Variants in SATB1 observed in about 807,000 individuals in gnomAD.
SATB1 encodes DNA-binding protein SATB1.
A neutral mutation model predicts 86.9 loss-of-function variants in SATB1; 11 were observed. The ratio of observed to expected loss-of-function variants is 0.13; its 90% CI spans 0.08 to 0.21. The LOEUF is 0.21. Among genes scored for constraint, SATB1 ranks in the 10% least tolerant of loss-of-function variants. The pLI, the probability that SATB1 is intolerant of heterozygous loss-of-function variation, is 1.00. For synonymous variants in SATB1, 357 were observed against 357.2 expected, an observed-to-expected ratio of 1.00 and a Z score of 0.01; for missense variants, 551 against 937.6, an observed-to-expected ratio of 0.59 and a Z score of 5.39.
intron 2 of SATB1, 64 bp from the exon 3 acceptor site, chr3:18,417,142 T>A: frequency 1.3e-6 from 2 of 1,521,966 alleles, no homozygotes; most frequent in Non-Finnish European, 8.9e-7. Context: ...AGCTTGGGGG[T>A]GGCGGGAGGA....
rs1694096291 is a variant in SATB1 at position 18,347,127 on chromosome 3, A to T, written c.*2043T>A. 2 of 152,172 alleles carry T rather than the reference A, an allele frequency of 1.3e-5. No homozygotes were observed. The highest frequency in any genetic ancestry group is 4.1e-4 in the South Asian group (2 of 4,836). 9.4% of individuals were successfully genotyped at this position (152,172 alleles called of 1,614,324 possible). ...TCAGTTTCTAAAGTACAAGTTCAAC[A>T]CTAAAGCAGCCCAGTTGCCTACCAA... On this transcript the variant is annotated 3_prime_UTR_variant, in exon 11 of 11. Transcript: ENST00000338745.
At chr3:18,436,649 T>C (rs1304786074) in intron 2 of SATB1, 1 of 152,206 alleles carries the variant, frequency 6.6e-6, no homozygotes, top group Non-Finnish European at 1.5e-5. Flanking sequence ...AGCTACATTT[T>C]ATATTTTATC....
At chr3:18,376,582 G>T (rs939458589) in intron 9 of SATB1, among the ~76,000 whole-genome samples, 20 of 151,434 alleles carry the variant, frequency 1.3e-4, no homozygotes, top group Non-Finnish European at 2.4e-4. Flanking sequence ...AAGTAGGTGG[G>T]GGGGGGGAGT....
chr3:18,421,150 AGAT>A, intron 1 of SATB1, 159 bp from the exon 2 acceptor site: 1 of 583,400 alleles, frequency 1.7e-6, no homozygotes, highest in South Asian at 2.1e-5. Context: ...CTATATTTCT[AGAT>A]GATAGCATTA....
intron 10 of SATB1, 94 bp downstream of exon 10, chr3:18,351,898 T>G: frequency 5.8e-6 from 7 of 1,207,828 alleles, no homozygotes; most frequent in Non-Finnish European, 8.5e-6. Flanking sequence ...AGCCTATGGT[T>G]AGACTGGCAG....
At chr3:18,408,955 G>C (rs565194776) in intron 5 of SATB1, 6 of 151,614 alleles carry the variant, frequency 4.0e-5, no homozygotes, top group Admixed American at 6.6e-5. Context: ...CTAAGCCTTG[G>C]GAGTATTTAT....
At chr3:18,436,939 C>T (rs1699085169) in intron 1 of SATB1, 2 of 152,140 alleles carry the variant, frequency 1.3e-5, no homozygotes, top group Non-Finnish European at 2.9e-5. Context: ...CTAAGTAAGC[C>T]TAAGTCCAGC....
intron 2 of SATB1, among the ~76,000 whole-genome samples, chr3:18,435,907 TCA>T (rs1699042038): frequency 1.3e-5 from 2 of 152,266 alleles, no homozygotes; most frequent in Admixed American, 1.3e-4. Context: ...ATGTAATAGG[TCA>T]CACAGCAGTG....
chr3:18,391,202 T>A (rs1696647285), intron 7 of SATB1, among the ~76,000 whole-genome samples: 1 of 152,078 alleles, frequency 6.6e-6, no homozygotes, highest in Admixed American at 6.6e-5. Context: ...AAATTCTCAA[T>A]AGTTAAAACC....
At chr3:18,412,851 T>C (rs1697925109) in intron 5 of SATB1, among the ~76,000 whole-genome samples, 1 of 152,110 alleles carries the variant, frequency 6.6e-6, no homozygotes, top group Admixed American at 6.5e-5. Flanking sequence ...GAAAAAATTC[T>C]GACTGGAGTA....
chr3:18,370,581 A>G (rs963059005), intron 9 of SATB1, among the ~76,000 whole-genome samples: 15 of 151,490 alleles, frequency 9.9e-5, no homozygotes, highest in South Asian at 4.2e-4. Context: ...GAAAAGAAAA[A>G]AAAAACCCTA....
chr3:18,346,817 A>C lies in SATB1; in HGVS notation c.*2353T>G, dbSNP rs1036298873. ...CAACCCAAACTTAGGGGATATAAGG[A>C]AGAGGAAGATAACTTCATGGCATTT... On this transcript the variant is annotated 3_prime_UTR_variant, in exon 11 of 11. Transcript: ENST00000338745. 7.9e-5 allele frequency: 12 copies of C among 152,168 alleles called. No individual in the cohort carries two copies. The highest frequency in any genetic ancestry group is 8.8e-5 in the Non-Finnish European group (6 of 68,010). The allele number at this position is 152,168 out of a possible 1,614,324, so 9.4% of individuals were successfully genotyped here. A position where few individuals can be genotyped will look rare whatever the true frequency, so the allele number is the denominator to read the frequency against.
chr3:18,421,026 G>T, intron 1 of SATB1, 35 bp from the exon 2 acceptor site: 1 of 1,507,520 alleles, frequency 6.6e-7, no homozygotes, highest in Non-Finnish European at 9.2e-7. Context: ...CGTTATAGTT[G>T]GGCGGGGACC....
intron 7 of SATB1, among the ~76,000 whole-genome samples, chr3:18,387,948 A>G (rs1450007537): frequency 6.6e-6 from 1 of 152,194 alleles, no homozygotes; most frequent in Non-Finnish European, 1.5e-5. Flanking sequence ...GGGTGCAGAC[A>G]ATACAAAAGT....
At chr3:18,437,437 A>C (rs755972078) in intron 1 of SATB1, among the ~76,000 whole-genome samples, 1 of 152,186 alleles carries the variant, frequency 6.6e-6, no homozygotes, top group Non-Finnish European at 1.5e-5. Flanking sequence ...TTTTTTTTAA[A>C]GAATCAAGCA....
At chr3:18,388,781 CATAGTT>C (rs774039699) in intron 7 of SATB1, among the ~76,000 whole-genome samples, 30 of 152,040 alleles carry the variant, frequency 2.0e-4, no homozygotes, top group Admixed American at 6.5e-5. Flanking sequence ...TAGGGCAAAA[CATAGTT>C]ATAAATATTT....
At chr3:18,371,266 G>A (rs945241582) in intron 9 of SATB1, among the ~76,000 whole-genome samples, 9 of 152,128 alleles carry the variant, frequency 5.9e-5, no homozygotes, top group African/African-American at 2.2e-4. Context: ...AGACTTAGGG[G>A]AAAAAACATC....
intron 7 of SATB1, among the ~76,000 whole-genome samples, chr3:18,388,224 A>G (rs745688643): frequency 6.6e-6 from 1 of 152,164 alleles, no homozygotes; most frequent in Non-Finnish European, 1.5e-5. Context: ...AATTCAGTCA[A>G]ACAGGCAGTC....
chr3:18,412,099 G>C lies in SATB1; in HGVS notation c.639+3012C>G, dbSNP rs1006469978. Among the ~76,000 whole-genome samples the C allele has an allele frequency of 2.6e-5, 4 of 152,046 alleles. No individual in the cohort carries two copies. In the East Asian group the frequency reaches 7.8e-4, roughly 30 times the overall value. ...CAATTCTCCTGCCTCAGCCTCCCAA[G>C]TAGCTAAATCAGCACTTTAAAATTT... On this transcript the variant is annotated intron_variant, in intron 5 of 10. Transcript: ENST00000338745.
Sources: gnomAD v4.1 joint callset for allele counts (sites outside exome capture counted in the v4.1 genomes callset) on GRCh38, gnomAD v4.1.1 for gene constraint, MANE v1.5 for transcripts, NCBI Gene and HGNC (gene_info 2026-07-23, HGNC 2026-07-21) for gene names.